The following GFRA2 variants were observed in gnomAD, a reference collection of about 807,000 sequenced individuals.
GFRA2 encodes the protein GDNF family receptor alpha-2.
GFRA2 carries 17 observed loss-of-function variants against 48.3 expected under a neutral mutation model. That is an observed-to-expected ratio of 0.35 (90% CI 0.24 to 0.53). The LOEUF is 0.53. Ranked by LOEUF, GFRA2 falls within the 20% of genes least tolerant of loss-of-function variation. The pLI, the probability that GFRA2 is intolerant of heterozygous loss-of-function variation, is 0.93. For synonymous variants in GFRA2, 305 were observed against 257.2 expected (o/e 1.19, Z -1.78); for missense variants, 660 against 637.3 (o/e 1.04, Z -0.38).
intron 2 of GFRA2, among the ~76,000 whole-genome samples, chr8:21,795,731 T>C (rs1162552516): frequency 6.6e-6 from 1 of 152,180 alleles, no homozygotes; most frequent in Non-Finnish European, 1.5e-5. Context: ...ACTCATGACA[T>C]GACCAAGGTT....
At position 21,786,771 on chromosome 8, in the gene GFRA2, G is replaced by A. The variant is rs375670215; in HGVS notation, c.40+1349C>T. Among the ~76,000 whole-genome samples the A allele has an allele frequency of 4.2e-3, 634 of 152,240 alleles. 9 individuals are homozygous for A. The East Asian group carries it at 0.046, about 11-fold the overall frequency. Reference sequence around the variant, plus strand: ...GCCTGTGTGGACACCCAATGACTCCGGTCCCCTATCCTAGTCTGGCGAGCA... The same window carrying A: ...GCCTGTGTGGACACCCAATGACTCCAGTCCCCTATCCTAGTCTGGCGAGCA... On this transcript the variant is annotated intron_variant, in intron 1 of 8. Transcript: ENST00000524240.
chr8:21,693,519 C>A, intron 8 of GFRA2, 119 bp from the exon 9 acceptor site: 1 of 902,282 alleles, frequency 1.1e-6, no homozygotes. Flanking sequence ...AAGCCCCTGT[C>A]CTCTCTTCCA....
intron 2 of GFRA2, among the ~76,000 whole-genome samples, chr8:21,781,565 GC>G (rs1386292997): frequency 2.0e-5 from 3 of 152,070 alleles, no homozygotes; most frequent in African/African-American, 7.2e-5. Flanking sequence ...AGACGTGGAT[GC>G]CCCCTCCAAG....
At chr8:21,717,501 A>G (rs998093390) in intron 4 of GFRA2, among the ~76,000 whole-genome samples, 1 of 152,230 alleles carries the variant, frequency 6.6e-6, no homozygotes, top group African/African-American at 2.4e-5. Context: ...GACACTGTTC[A>G]TTATGTTCAT....
At chr8:21,695,228 G>A (rs6989001) in intron 7 of GFRA2, among the ~76,000 whole-genome samples, 19,605 of 152,148 alleles carry the variant, frequency 0.13, 2,376 homozygotes, top group African/African-American at 0.31. Context: ...CCTGGATGCA[G>A]GGCCAGAGGG....
At chr8:21,706,138 T>C in intron 4 of GFRA2, 97 bp from the exon 5 acceptor site, 2 of 752,588 alleles carry the variant, frequency 2.7e-6, no homozygotes, top group Non-Finnish European at 4.5e-6. Context: ...TCCCTGCAGC[T>C]TCCCAGGGTG....
intron 1 of GFRA2, among the ~76,000 whole-genome samples, chr8:21,805,936 T>C (rs1224086360): frequency 2.0e-5 from 3 of 152,320 alleles, no homozygotes; most frequent in East Asian, 3.9e-4. Flanking sequence ...GGCAGAAGGT[T>C]TGAGCCCCAG....
chr8:21,736,684 TAG>T (rs1455459471), intron 4 of GFRA2, among the ~76,000 whole-genome samples: 2 of 151,970 alleles, frequency 1.3e-5, no homozygotes, highest in Admixed American at 6.6e-5. Context: ...GTATTTTTAA[TAG>T]AGACAGTGTC....
Position 21,706,059 on chromosome 8 carries a change from A to G in GFRA2, c.795-18T>C, listed in dbSNP as rs1585233428. 2 of 1,508,268 alleles carry G rather than the reference A, an allele frequency of 1.3e-6. No individual in the cohort carries two copies. Among genetic ancestry groups the G allele is most frequent in the East Asian group, 4.9e-5 (2 of 41,058 alleles). 93.4% of individuals were successfully genotyped at this position (1,508,268 alleles called of 1,614,324 possible). On this transcript the variant is annotated intron_variant, in intron 4 of 8. Transcript: ENST00000524240. Reference sequence around the variant, plus strand: ...GCCGGGACCTGGTGGTGGGTAGAAGACGCAATAGAGAAAACAGGGGTTCAG... The same window carrying G: ...GCCGGGACCTGGTGGTGGGTAGAAGGCGCAATAGAGAAAACAGGGGTTCAG...
In GFRA2 at chr8:21,705,075, C is replaced by A. The variant is rs1371917439; in HGVS notation, c.955G>T (p.Val319Leu). Residue 319 changes from valine to leucine, a missense_variant, in exon 6 of 9, where the codon GTG becomes TTG. Val to Leu is a conservative substitution (Grantham distance 32). Coordinates refer to ENST00000524240, the MANE Select transcript of GFRA2 (RefSeq NM_001495.5). ...CCACGACAGCTGCACCAGGGGGACA[C>A]CACGATGCCAGTGGGGCTGGAGTCC... ...YVDSSPTGIV[V>L]SPWCSCRGSG... is the part of the protein sequence containing the mutation. 2.5e-6 allele frequency: 4 copies of A among 1,610,986 alleles called. No homozygotes were observed. In the African/African-American group the frequency reaches 5.3e-5, roughly 22 times the overall value.
intron 2 of GFRA2, among the ~76,000 whole-genome samples, chr8:21,798,726 G>A (rs898455291): frequency 2.6e-5 from 4 of 152,122 alleles, no homozygotes; most frequent in Non-Finnish European, 4.4e-5. Context: ...ACCACCCTTC[G>A]CTATCTGTTT....
chr8:21,780,398 T>G (rs1047681820), intron 2 of GFRA2, among the ~76,000 whole-genome samples: 1 of 152,116 alleles, frequency 6.6e-6, no homozygotes, highest in Non-Finnish European at 1.5e-5. Flanking sequence ...CTTGTTTTCC[T>G]GCTGTTCCTC....
intron 4 of GFRA2, among the ~76,000 whole-genome samples, chr8:21,727,183 C>T (rs1563231015): frequency 6.6e-6 from 1 of 152,228 alleles, no homozygotes; most frequent in Non-Finnish European, 1.5e-5. Context: ...TCACTTCCCT[C>T]ACCCCAGTTT....
At chr8:21,726,887 G>A (rs532959004) in intron 4 of GFRA2, among the ~76,000 whole-genome samples, 1 of 151,610 alleles carries the variant, frequency 6.6e-6, no homozygotes, top group Non-Finnish European at 1.5e-5. Context: ...CAAGTAGCTG[G>A]GACTACAAGC....
intron 3 of GFRA2, among the ~76,000 whole-genome samples, chr8:21,761,925 CTG>C (rs1805930785): frequency 6.6e-6 from 1 of 151,918 alleles, no homozygotes; most frequent in Admixed American, 6.6e-5. Context: ...GTACTCCAGC[CTG>C]TGTGACAGAG....
At chr8:21,705,261 T>C (rs1258931150) in intron 5 of GFRA2, 136 bp from the exon 6 acceptor site, 5 of 783,406 alleles carry the variant, frequency 6.4e-6, no homozygotes, top group Non-Finnish European at 1.0e-5. Context: ...CACACATCCA[T>C]CCCAATCGCA....
intron 4 of GFRA2, among the ~76,000 whole-genome samples, chr8:21,733,738 A>C (rs1284222507): frequency 1.3e-5 from 2 of 152,106 alleles, no homozygotes; most frequent in Non-Finnish European, 2.9e-5. Flanking sequence ...CAACTTTATG[A>C]CTATTGATGG....
At chr8:21,746,766 G>A (rs1219465425) in intron 4 of GFRA2, among the ~76,000 whole-genome samples, 6 of 149,666 alleles carry the variant, frequency 4.0e-5, no homozygotes, top group Non-Finnish European at 8.9e-5. Context: ...TGATTCTCCT[G>A]TTTCCTAGCT....
chr8:21,795,631 G>A (rs902233090), intron 2 of GFRA2, among the ~76,000 whole-genome samples: 1 of 152,130 alleles, frequency 6.6e-6, no homozygotes, highest in African/African-American at 2.4e-5. Flanking sequence ...AGCCTCAGGT[G>A]ATCCACCCAC....
Sources: gnomAD v4.1 joint callset for allele counts (sites outside exome capture counted in the v4.1 genomes callset) on GRCh38, gnomAD v4.1.1 for gene constraint, MANE v1.5 for transcripts, NCBI Gene and HGNC (gene_info 2026-07-23, HGNC 2026-07-21) for gene names.